Variants in MTA3 observed in about 807,000 individuals in gnomAD.
MTA3 encodes metastasis-associated protein MTA3.
A neutral mutation model predicts 83.5 loss-of-function variants in MTA3; 34 were observed. That is an observed-to-expected ratio of 0.41 (90% confidence interval 0.31 to 0.54). The LOEUF is 0.54. MTA3 is among the 20% of genes least tolerant of loss of function. MTA3 has a pLI of 0.33. For missense variants in MTA3, 761 were observed against 726.4 expected (o/e 1.05, Z -0.55); for synonymous variants, 303 against 252.7 (o/e 1.20, Z -1.89).
intron 2 of MTA3, among the ~76,000 whole-genome samples, chr2:42,538,771 T>TC (rs1384523086): frequency 1.8e-5 from 2 of 114,106 alleles, no homozygotes; most frequent in African/African-American, 7.1e-5. Flanking sequence ...TTTTTTGTTT[T>TC]TTTTTGTTTT....
In MTA3 at chr2:42,707,998, T is replaced by C. The variant is rs1666248745; in HGVS notation, c.1246T>C (p.Leu416=). Residue 416 remains leucine, a synonymous_variant, in exon 13 of 17, where the codon TTG becomes CTG. Coordinates refer to ENST00000405094, the MANE Select transcript of MTA3 (RefSeq NM_001330442.2). ...CWLYWKKYGG[L]KMPTQSEEEK... is the part of the protein sequence containing the mutation. Reference sequence around the variant, plus strand: ...GCTTTATTGGAAAAAATATGGAGGCTTGAAAATGCCCACCCAGTCAGAAGA... The same window carrying C: ...GCTTTATTGGAAAAAATATGGAGGCCTGAAAATGCCCACCCAGTCAGAAGA... The C allele has an allele frequency of 1.2e-6, 2 of 1,613,736 alleles. No homozygotes were observed. Among genetic ancestry groups the C allele is most frequent in the Non-Finnish European group, 1.7e-6 (2 of 1,179,830 alleles).
chr2:42,640,856 A>G (rs879703402), intron 5 of MTA3, among the ~76,000 whole-genome samples: 1 of 152,144 alleles, frequency 6.6e-6, no homozygotes, highest in Non-Finnish European at 1.5e-5. Flanking sequence ...ATGCTTCAGT[A>G]TTTAATCTTT....
Position 42,586,557 on chromosome 2 carries a change from A to AACACACACAC in MTA3, c.190+7407_190+7416dup, listed in dbSNP as rs68029790. ...AAAACACACACACACAAGGAAGGAAAACACACACACACACACACACACACA... is the reference window on the plus strand; with the variant it reads ...AAAACACACACACACAAGGAAGGAAAACACACACACACACACACACACACACACACACACA... On this transcript the variant is annotated intron_variant, in intron 3 of 16. Transcript: ENST00000405094. 2.5e-3 allele frequency among the ~76,000 whole-genome samples: 309 copies of AACACACACAC among 125,972 alleles called. 3 individuals carry two copies. Among genetic ancestry groups the AACACACACAC allele is most frequent in the African/African-American group, 3.4e-3 (116 of 33,838 alleles). 82.6% of individuals were successfully genotyped at this position (125,972 alleles called of 152,430 possible).
At chr2:42,589,739 G>C (rs1451296795) in intron 3 of MTA3, among the ~76,000 whole-genome samples, 2 of 152,122 alleles carry the variant, frequency 1.3e-5, no homozygotes, top group African/African-American at 4.8e-5. Context: ...TTTCAGTAGA[G>C]ACAAGTTTCA....
rs1011323124 is a variant in MTA3, at chr2:42,647,847, C to CT, written c.499+3611dup. On this transcript the variant is annotated intron_variant, in intron 6 of 16. Coordinates refer to ENST00000405094, the MANE Select transcript of MTA3 (RefSeq NM_001330442.2). ...TAGATGCAAGGTTTAAAGAACTCTT[C>CT]TTTTTTTTGAAATGGAGTTTCGCTC... is the stretch of plus-strand genomic sequence containing the variant. Among the ~76,000 whole-genome samples, 4 of 152,016 alleles carry CT rather than the reference C, an allele frequency of 2.6e-5. No individual in the cohort carries two copies. The East Asian group carries it at 5.8e-4, about 22-fold the overall frequency.
intron 16 of MTA3, among the ~76,000 whole-genome samples, chr2:42,736,652 A>G (rs187972244): frequency 6.6e-6 from 1 of 152,058 alleles, no homozygotes; most frequent in African/African-American, 2.4e-5. Flanking sequence ...TGTAAGACAA[A>G]GTCTTCTTAC....
intron 16 of MTA3, among the ~76,000 whole-genome samples, chr2:42,749,765 G>T (rs1329122064): frequency 6.6e-6 from 1 of 152,056 alleles, no homozygotes; most frequent in African/African-American, 2.4e-5. Context: ...ACCACACCTG[G>T]CCTCAAACAG....
intron 2 of MTA3, among the ~76,000 whole-genome samples, chr2:42,541,032 T>C (rs1676495698): frequency 1.4e-5 from 2 of 140,428 alleles, no homozygotes; most frequent in East Asian, 4.1e-4. Flanking sequence ...TTACTTCAAA[T>C]TTTTTTTTTT....
intron 1 of MTA3, chr2:42,569,496 A>G (rs1255492375): frequency 6.6e-6 from 1 of 152,180 alleles, no homozygotes; most frequent in Non-Finnish European, 1.5e-5. Flanking sequence ...GTAAAATAAT[A>G]ATTCAGATAA....
intron 2 of MTA3, among the ~76,000 whole-genome samples, chr2:42,526,432 G>T (rs1405109374): frequency 2.6e-5 from 4 of 152,208 alleles, no homozygotes; most frequent in East Asian, 3.9e-4. Context: ...AGCCCCCAGG[G>T]TCCTGCCAAG....
At chr2:42,515,489 GTATTT>G (rs1044202513) in intron 2 of MTA3, among the ~76,000 whole-genome samples, 7 of 151,728 alleles carry the variant, frequency 4.6e-5, no homozygotes, top group Non-Finnish European at 7.4e-5. Context: ...CAGCTTCTGT[GTATTT>G]TATTTTATTT....
intron 9 of MTA3, among the ~76,000 whole-genome samples, chr2:42,683,746 C>T (rs990364846): frequency 6.6e-6 from 1 of 152,062 alleles, no homozygotes; most frequent in Non-Finnish European, 1.5e-5. Context: ...GAATCTAATG[C>T]CGCTGCTGAT....
intron 2 of MTA3, among the ~76,000 whole-genome samples, chr2:42,535,633 G>A (rs1216529972): frequency 6.6e-6 from 1 of 152,200 alleles, no homozygotes; most frequent in Non-Finnish European, 1.5e-5. Flanking sequence ...TCTAGAGAGG[G>A]TGGGAAGTGC....
intron 2 of MTA3, among the ~76,000 whole-genome samples, chr2:42,549,342 C>T (rs1277879201): frequency 3.6e-5 from 4 of 111,882 alleles, no homozygotes; most frequent in African/African-American, 1.0e-4. Flanking sequence ...TATACGTATA[C>T]ATTATATATT....
At chr2:42,660,367 A>G (rs1376833605) in intron 8 of MTA3, among the ~76,000 whole-genome samples, 1 of 152,150 alleles carries the variant, frequency 6.6e-6, no homozygotes, top group Non-Finnish European at 1.5e-5. Flanking sequence ...GATTACAGGC[A>G]TGAGCCACCA....
At chr2:42,607,055 C>CGGAGGT (rs1169193838) in intron 3 of MTA3, among the ~76,000 whole-genome samples, 38 of 122,308 alleles carry the variant, frequency 3.1e-4, no homozygotes, top group Non-Finnish European at 5.5e-4. Flanking sequence ...AGAGGGAGAC[C>CGGAGGT]GGAGGTAGAG....
chr2:42,721,753 C>T (rs1308966855), intron 15 of MTA3, among the ~76,000 whole-genome samples: 1 of 152,124 alleles, frequency 6.6e-6, no homozygotes, highest in African/African-American at 2.4e-5. Context: ...TATTCTCTTC[C>T]CTCATAAGGC....
Position 42,568,750 on chromosome 2 carries a change from C to A in MTA3, c.5C>A (p.Ala2Glu). ...TCCGCGGGCGGGCGGGCGGACATGG[C>A]GGCCAACATGTACCGGGTCGGAGGT... Reference protein sequence around the residue: MAANMYRVGDYV... With the variant: MEANMYRVGDYV... Residue 2 changes from alanine to glutamate, a missense_variant, in exon 1 of 17, where the codon GCG (alanine) becomes GAG (glutamate). Transcript: ENST00000405094. The A allele has an allele frequency of 2.5e-6, 3 of 1,218,980 alleles. No individual in the cohort carries two copies. The highest frequency in any genetic ancestry group is 3.1e-6 in the Non-Finnish European group (3 of 980,684). 75.5% of individuals were successfully genotyped at this position (1,218,980 alleles called of 1,614,324 possible). A position where few individuals can be genotyped will look rare whatever the true frequency, so the allele number is the denominator to read the frequency against.
At chr2:42,736,243 T>C (rs559174101) in intron 16 of MTA3, among the ~76,000 whole-genome samples, 2 of 152,318 alleles carry the variant, frequency 1.3e-5, no homozygotes, top group South Asian at 4.1e-4. Context: ...GATTACTAGG[T>C]GGAGACTCTT....
Sources: gnomAD v4.1 joint callset for allele counts (sites outside exome capture counted in the v4.1 genomes callset) on GRCh38, gnomAD v4.1.1 for gene constraint, MANE v1.5 for transcripts, NCBI Gene and HGNC (gene_info 2026-07-23, HGNC 2026-07-21) for gene names.